LZTS1: variants seen among roughly 807,000 people sequenced by gnomAD.
LZTS1 encodes leucine zipper putative tumor suppressor 1.
In LZTS1, 31 loss-of-function variants were observed where a neutral mutation model predicts 45.8. The observed-to-expected ratio is 0.68, with a 90% confidence interval of 0.51 to 0.91. The LOEUF (loss-of-function observed/expected upper bound fraction) is 0.91, where lower values mean the gene tolerates loss of function less well. Ranked by LOEUF, LZTS1 falls within the 40% of genes least tolerant of loss-of-function variation. The pLI is 0.00. For missense variants in LZTS1, 821 were observed against 788.9 expected, an observed-to-expected ratio of 1.04 and a Z score of -0.49; for synonymous variants, 359 against 357.3, an observed-to-expected ratio of 1.00 and a Z score of -0.05.
At chr8:20,250,502 T>C in intron 3 of LZTS1, 139 bp from the exon 4 acceptor site, 2 of 766,542 alleles carry the variant, frequency 2.6e-6, no homozygotes, top group South Asian at 3.8e-5. Flanking sequence ...TTGTCCAATC[T>C]GAAAGTAAGC....
intron 1 of LZTS1, among the ~76,000 whole-genome samples, chr8:20,263,547 G>A (rs1800289175): frequency 6.6e-6 from 1 of 152,228 alleles, no homozygotes; most frequent in Middle Eastern, 3.4e-3. Flanking sequence ...CGTGGTCTTG[G>A]ATTACTGACT....
intron 1 of LZTS1, among the ~76,000 whole-genome samples, chr8:20,258,704 A>C (rs1362903667): frequency 6.6e-6 from 1 of 152,256 alleles, no homozygotes; most frequent in Non-Finnish European, 1.5e-5. Context: ...ACATTTACTC[A>C]ATACTTAGTA....
rs1184479936 is a variant in LZTS1, at chr8:20,253,055, G to A, written c.876C>T (p.Ser292=). ...GCCGCGGCCGCTCCTCGTAGGCCAGGCTGGAGGCAAGCTCCTTCTCCTCAA... is the reference window on the plus strand; with the variant it reads ...GCCGCGGCCGCTCCTCGTAGGCCAGACTGGAGGCAAGCTCCTTCTCCTCAA... ...RSFEEKELAS[S]LAYEERPRRC... Residue 292 remains serine (S), a synonymous_variant, in exon 3 of 4, where the codon AGC becomes AGT. Transcript: ENST00000381569. 6.2e-7 allele frequency: 1 copy of A among 1,606,638 alleles called. No individual in the cohort carries two copies.
At chr8:20,267,206 G>A (rs1349591709) in intron 1 of LZTS1, among the ~76,000 whole-genome samples, 6 of 144,434 alleles carry the variant, frequency 4.2e-5, no homozygotes, top group East Asian at 2.3e-4. Flanking sequence ...CTGGGCTGTC[G>A]GGTCCCCTGG....
intron 1 of LZTS1, among the ~76,000 whole-genome samples, chr8:20,264,325 C>T (rs1286359057): frequency 2.6e-5 from 4 of 151,996 alleles, no homozygotes; most frequent in Non-Finnish European, 4.4e-5. Context: ...TTGCAAAAAC[C>T]CTCTTATATA....
rs1232540040 is a variant in LZTS1, at chr8:20,250,119, C to T, written c.1394G>A (p.Arg465Gln). 9 of 1,607,470 alleles carry T rather than the reference C, an allele frequency of 5.6e-6. No homozygotes were observed. Among genetic ancestry groups the T allele is most frequent in the Non-Finnish European group, 7.6e-6 (9 of 1,179,230 alleles). ...QRKKNEAELL[R>Q]EKVNLLEQEL... ...CTGCTCCAGCAGGTTCACCTTCTCC[C>T]GCAGCAGCTCCGCCTCGTTCTTCTT... The change falls in exon 4 of 4, where the codon CGG (arginine) becomes CAG (glutamine). Residue 465 changes from arginine to glutamine, a missense_variant. Transcript: ENST00000381569.
chr8:20,263,452 A>G (rs539653587), intron 1 of LZTS1, among the ~76,000 whole-genome samples: 1 of 152,144 alleles, frequency 6.6e-6, no homozygotes, highest in African/African-American at 2.4e-5. Context: ...CCTGACCCCT[A>G]ATGCCCCTTG....
intron 1 of LZTS1, among the ~76,000 whole-genome samples, chr8:20,269,778 T>G (rs967455911): frequency 1.3e-5 from 2 of 152,188 alleles, no homozygotes; most frequent in Admixed American, 1.3e-4. Context: ...CTTTGTGGGA[T>G]GCCTTTGTAC....
chr8:20,293,037 G>A (rs1800924886), intron 1 of LZTS1, among the ~76,000 whole-genome samples: 1 of 152,084 alleles, frequency 6.6e-6, no homozygotes, highest in African/African-American at 2.4e-5. Context: ...TCTCTTTGAA[G>A]CCTCGGTCAC....
chr8:20,252,314 C>T (rs1799946120), intron 3 of LZTS1, among the ~76,000 whole-genome samples: 2 of 152,196 alleles, frequency 1.3e-5, no homozygotes, highest in South Asian at 4.1e-4. Flanking sequence ...TGGCCACTTC[C>T]ATCACTGAAA....
chr8:20,258,136 A>G (rs1051063659), intron 1 of LZTS1, among the ~76,000 whole-genome samples: 2 of 152,228 alleles, frequency 1.3e-5, no homozygotes, highest in African/African-American at 4.8e-5. Flanking sequence ...AAGCTAGGAA[A>G]GGTTGGTGAT....
intron 3 of LZTS1, among the ~76,000 whole-genome samples, chr8:20,251,781 T>C (rs1799920819): frequency 6.6e-6 from 1 of 152,030 alleles, no homozygotes; most frequent in Non-Finnish European, 1.5e-5. Flanking sequence ...TTTACTCCAG[T>C]AGACAGGAGA....
chr8:20,263,832 A>G (rs376601931), intron 1 of LZTS1, among the ~76,000 whole-genome samples: 14 of 152,308 alleles, frequency 9.2e-5, no homozygotes, highest in African/African-American at 1.2e-4. Context: ...CCTGATGCTC[A>G]TCGGACACCC....
chr8:20,303,214 C>T (rs1801111489), intron 1 of LZTS1, among the ~76,000 whole-genome samples: 1 of 152,162 alleles, frequency 6.6e-6, no homozygotes, highest in Non-Finnish European at 1.5e-5. Flanking sequence ...TGACTTATTC[C>T]TTGAGGGAAA....
intron 1 of LZTS1, among the ~76,000 whole-genome samples, chr8:20,278,318 T>C (rs1054836847): frequency 2.0e-5 from 3 of 152,174 alleles, no homozygotes; most frequent in Admixed American, 6.5e-5. Flanking sequence ...CAAATGAGCA[T>C]GCACACAACT....
chr8:20,267,422 A>G (rs1213946008), intron 1 of LZTS1, among the ~76,000 whole-genome samples: 1 of 152,134 alleles, frequency 6.6e-6, no homozygotes, highest in Non-Finnish European at 1.5e-5. Flanking sequence ...CAACCCACTT[A>G]CTGGGCCCTG....
At chr8:20,264,735 C>T (rs1028033336) in intron 1 of LZTS1, among the ~76,000 whole-genome samples, 15 of 152,206 alleles carry the variant, frequency 9.9e-5, no homozygotes, top group Non-Finnish European at 2.1e-4. Flanking sequence ...CGGCCGTCCT[C>T]TGCCCCAAAT....
intron 1 of LZTS1, among the ~76,000 whole-genome samples, chr8:20,297,824 T>C (rs982856130): frequency 1.3e-5 from 2 of 152,164 alleles, no homozygotes; most frequent in African/African-American, 4.8e-5. Context: ...TCGAATGCCC[T>C]CATCATGCTT....
chr8:20,272,794 A>G (rs1195793440), intron 1 of LZTS1, among the ~76,000 whole-genome samples: 3 of 152,142 alleles, frequency 2.0e-5, no homozygotes, highest in Non-Finnish European at 4.4e-5. Flanking sequence ...ATCTCAGACT[A>G]ATCCTTCCAG....
Sources: allele counts gnomAD v4.1 joint callset (sites outside exome capture counted in the v4.1 genomes callset), GRCh38; gene constraint gnomAD v4.1.1; transcripts MANE v1.5; gene names NCBI Gene and HGNC (gene_info 2026-07-23, HGNC 2026-07-21).